Variants in TTC7A observed in about 807,000 individuals in gnomAD.
TTC7A encodes tetratricopeptide repeat protein 7A.
Under a neutral mutation model 103.7 loss-of-function variants are expected in TTC7A, and 110 were observed. The observed-to-expected ratio is 1.06, with a 90% confidence interval of 0.91 to 1.24. The LOEUF (loss-of-function observed/expected upper bound fraction) is 1.24. Among genes scored for constraint, TTC7A ranks in the 50% most tolerant of loss-of-function variants. TTC7A has a pLI of 0.00. For missense variants in TTC7A, 1,340 were observed against 1,116.3 expected, an observed-to-expected ratio of 1.20 and a Z score of -2.86; for synonymous variants, 521 against 467.9, an observed-to-expected ratio of 1.11 and a Z score of -1.47.
intron 5 of TTC7A, among the ~76,000 whole-genome samples, chr2:46,991,556 C>T (rs1675635734): frequency 6.6e-6 from 1 of 152,046 alleles, no homozygotes; most frequent in Admixed American, 6.5e-5. Context: ...TGCACACTAA[C>T]TTTTAAAAAA....
intron 2 of TTC7A, chr2:46,951,642 C>T (rs1004532110): frequency 4.4e-6 from 2 of 456,120 alleles, no homozygotes; most frequent in East Asian, 6.9e-5. Flanking sequence ...AACTCCTGGG[C>T]TCAAGCGATC....
At chr2:46,989,615 T>C (rs1675394135) in intron 5 of TTC7A, among the ~76,000 whole-genome samples, 2 of 142,610 alleles carry the variant, frequency 1.4e-5, no homozygotes, top group Non-Finnish European at 3.1e-5. Flanking sequence ...GGGACCTCTC[T>C]ATTTTTTTTT....
chr2:46,923,132 A>G (rs943618815), intron 2 of TTC7A, among the ~76,000 whole-genome samples: 4 of 152,182 alleles, frequency 2.6e-5, no homozygotes, highest in Admixed American at 2.0e-4. Context: ...CTTCTCATTC[A>G]TCTTCCTGTC....
chr2:47,066,692 A>T (rs1684208800), intron 19 of TTC7A, among the ~76,000 whole-genome samples: 1 of 152,182 alleles, frequency 6.6e-6, no homozygotes, highest in Admixed American at 6.5e-5. Context: ...GTAACAGAAT[A>T]TCTGAGGCTG....
At position 46,961,346 on chromosome 2, in the gene TTC7A, G is replaced by T. The variant is rs534754395; in HGVS notation, c.517+4339G>T. ...AATCCTAGCACATTGGGAGGCCGAGGTGGGCAGATCACGAGGTCAGGAGAT... is the reference window on the plus strand; with the variant it reads ...AATCCTAGCACATTGGGAGGCCGAGTTGGGCAGATCACGAGGTCAGGAGAT... On this transcript the variant is annotated intron_variant, in intron 3 of 19. Coordinates refer to ENST00000319190, the MANE Select transcript of TTC7A (RefSeq NM_020458.4). Among the ~76,000 whole-genome samples, 17 of 152,298 alleles carry T rather than the reference G, an allele frequency of 1.1e-4. No individual in the cohort carries two copies. The East Asian group carries it at 2.7e-3, about 24-fold the overall frequency.
chr2:46,934,587 T>C (rs1055095042), intron 2 of TTC7A, among the ~76,000 whole-genome samples: 14 of 151,960 alleles, frequency 9.2e-5, no homozygotes, highest in African/African-American at 2.9e-4. Flanking sequence ...GACTTTTCAA[T>C]AGATAGACTC....
Position 47,050,066 on chromosome 2 carries a change from G to A in TTC7A, c.2017+20G>A, listed in dbSNP as rs1682719586. ...ACTCTGGTAAGAACGAGCTCCTTGG[G>A]CCACTGTGTGCATGGACCCACAGCT... On this transcript the variant is annotated intron_variant, in intron 17 of 19. Coordinates refer to ENST00000319190, the MANE Select transcript of TTC7A (RefSeq NM_020458.4). 2 of 1,588,188 alleles carry A rather than the reference G, an allele frequency of 1.3e-6. No individual in the cohort carries two copies. Among genetic ancestry groups the A allele is most frequent in the East Asian group, 4.5e-5 (2 of 44,762 alleles).
chr2:47,034,397 T>G (rs1237173776), intron 15 of TTC7A: 1 of 152,284 alleles, frequency 6.6e-6, no homozygotes, highest in Non-Finnish European at 1.5e-5. Flanking sequence ...GTTTTGGGTA[T>G]GAGAGGCAGC....
At chr2:46,958,415 C>A in intron 3 of TTC7A, 3 of 1,137,910 alleles carry the variant, frequency 2.6e-6, no homozygotes, top group Non-Finnish European at 3.6e-6. Flanking sequence ...CCCCCTTCCT[C>A]GGGCTTCCTT....
chr2:47,002,553 A>G (rs1433205813), intron 8 of TTC7A, among the ~76,000 whole-genome samples: 18 of 152,084 alleles, frequency 1.2e-4, no homozygotes. Context: ...GGGGTACACC[A>G]TGTGGCCTGA....
At chr2:46,948,674 G>C (rs930467601) in intron 1 of TTC7A, among the ~76,000 whole-genome samples, 5 of 152,090 alleles carry the variant, frequency 3.3e-5, no homozygotes, top group African/African-American at 1.2e-4. Flanking sequence ...TGCCCAGGCT[G>C]GTCTTGAACT....
At chr2:46,995,489 A>G (rs546423671) in intron 8 of TTC7A, among the ~76,000 whole-genome samples, 2 of 152,362 alleles carry the variant, frequency 1.3e-5, no homozygotes, top group East Asian at 3.9e-4. Context: ...ATGATCATCA[A>G]CAAGGTCACA....
intron 5 of TTC7A, among the ~76,000 whole-genome samples, chr2:46,987,809 CGTGTGTGTGT>C (rs34664382): frequency 2.8e-5 from 4 of 144,548 alleles, no homozygotes; most frequent in Non-Finnish European, 4.5e-5. Flanking sequence ...CCTTTCCGCG[CGTGTGTGTGT>C]GTGTGTGTGT....
chr2:47,006,074 GC>G lies in TTC7A; in HGVS notation c.1203+16del, dbSNP rs779128067. On this transcript the variant is annotated intron_variant, in intron 9 of 19. Coordinates refer to ENST00000319190, the MANE Select transcript of TTC7A (RefSeq NM_020458.4). ...TGCTCTCGGAGGTACGGCCGGCCAT[GC>G]AGCCCACCCCACTCTCCGGAGTCAG... is the stretch of plus-strand genomic sequence containing the variant. 23 of 1,610,730 alleles carry G rather than the reference GC, an allele frequency of 1.4e-5. No individual in the cohort carries two copies. The South Asian group carries it at 2.4e-4, about 17-fold the overall frequency.
At chr2:46,986,304 C>G (rs918463496) in intron 5 of TTC7A, among the ~76,000 whole-genome samples, 1 of 152,158 alleles carries the variant, frequency 6.6e-6, no homozygotes, top group Admixed American at 6.5e-5. Context: ...CTTACTACCC[C>G]GTGAGGGGAG....
At chr2:47,057,182 C>T (rs1254711220) in intron 18 of TTC7A, among the ~76,000 whole-genome samples, 1 of 152,240 alleles carries the variant, frequency 6.6e-6, no homozygotes, top group African/African-American at 2.4e-5. Flanking sequence ...ATTGTCACCC[C>T]AGACCTTTGG....
At chr2:47,059,598 A>C (rs1012095923) in intron 18 of TTC7A, among the ~76,000 whole-genome samples, 2 of 152,054 alleles carry the variant, frequency 1.3e-5, no homozygotes, top group South Asian at 4.2e-4. Flanking sequence ...CCTGCCTGGG[A>C]GACCAAGGGG....
chr2:46,957,480 A>C (rs1247856045), intron 3 of TTC7A, among the ~76,000 whole-genome samples: 3 of 152,150 alleles, frequency 2.0e-5, no homozygotes, highest in African/African-American at 4.8e-5. Flanking sequence ...GCCACTCCTC[A>C]GTTATTTGTC....
chr2:46,972,379 C>T (rs1214138679), intron 3 of TTC7A, among the ~76,000 whole-genome samples: 1 of 152,034 alleles, frequency 6.6e-6, no homozygotes, highest in South Asian at 2.1e-4. Context: ...GTAAAAAAGC[C>T]CCATACAACA....
Sources: gnomAD v4.1 joint callset for allele counts (sites outside exome capture counted in the v4.1 genomes callset) on GRCh38, gnomAD v4.1.1 for gene constraint, MANE v1.5 for transcripts, NCBI Gene and HGNC (gene_info 2026-07-23, HGNC 2026-07-21) for gene names.